The following CDKAL1 variants were observed in gnomAD, a reference collection of about 807,000 sequenced individuals.
CDKAL1 encodes CDKAL1 threonylcarbamoyladenosine tRNA methylthiotransferase.
CDKAL1 carries 32 observed loss-of-function variants against 68.2 expected under a neutral mutation model. The ratio of observed to expected loss-of-function variants is 0.47; its 90% CI spans 0.35 to 0.63. CDKAL1 has a LOEUF of 0.63. Among genes scored for constraint, CDKAL1 ranks in the 30% least tolerant of loss-of-function variants. The pLI is 0.00. For missense variants in CDKAL1, 606 were observed against 696.7 expected, an observed-to-expected ratio of 0.87 and a Z score of 1.47; for synonymous variants, 234 against 244.3, an observed-to-expected ratio of 0.96 and a Z score of 0.39.
At chr6:20,638,950 A>G (rs952030937) in intron 4 of CDKAL1, among the ~76,000 whole-genome samples, 1 of 152,082 alleles carries the variant, frequency 6.6e-6, no homozygotes, top group Non-Finnish European at 1.5e-5. Context: ...CTCTAGATGC[A>G]GTAACTTCTG....
chr6:20,781,411 T>C, intron 8 of CDKAL1, 146 bp downstream of exon 8: 1 of 665,598 alleles, frequency 1.5e-6, no homozygotes, highest in Non-Finnish European at 2.5e-6. Context: ...CAGTTTCTTC[T>C]GAAATGTTTC....
chr6:20,947,927 C>G (rs1239726200), intron 9 of CDKAL1, among the ~76,000 whole-genome samples: 2 of 150,306 alleles, frequency 1.3e-5, no homozygotes, highest in Non-Finnish European at 3.0e-5. Flanking sequence ...ATCATCTGTG[C>G]TTGTATAAGT....
At chr6:20,807,226 A>AT (rs1234504262) in intron 8 of CDKAL1, among the ~76,000 whole-genome samples, 3,272 of 144,892 alleles carry the variant, frequency 0.023, 65 homozygotes, top group African/African-American at 0.064. Flanking sequence ...GCCAAAATTG[A>AT]TTTTTTTTTT....
intron 11 of CDKAL1, among the ~76,000 whole-genome samples, chr6:21,040,113 C>T (rs771592587): frequency 2.2e-4 from 33 of 152,288 alleles, no homozygotes; most frequent in Non-Finnish European, 3.5e-4. Context: ...AATCAACACA[C>T]GCTTGCTCTG....
intron 9 of CDKAL1, among the ~76,000 whole-genome samples, chr6:20,918,568 G>A (rs1040541924): frequency 2.6e-5 from 4 of 152,282 alleles, no homozygotes; most frequent in Admixed American, 2.0e-4. Context: ...GCATGAAGAA[G>A]AATAAAACAT....
chr6:20,899,872 A>G (rs557375744), intron 9 of CDKAL1, among the ~76,000 whole-genome samples: 1 of 152,328 alleles, frequency 6.6e-6, no homozygotes, highest in East Asian at 1.9e-4. Flanking sequence ...TTTTATTCTC[A>G]TAACTCTGTG....
chr6:20,880,507 G>C (rs1442530311), intron 9 of CDKAL1, among the ~76,000 whole-genome samples: 1 of 152,058 alleles, frequency 6.6e-6, no homozygotes. Flanking sequence ...CGCCCACCTC[G>C]GCCTCCCAAA....
At chr6:20,695,658 C>T (rs560972774) in intron 5 of CDKAL1, among the ~76,000 whole-genome samples, 18 of 151,952 alleles carry the variant, frequency 1.2e-4, no homozygotes, top group African/African-American at 4.1e-4. Flanking sequence ...TCCTTTTTTT[C>T]TTTGGCCAGG....
intron 5 of CDKAL1, among the ~76,000 whole-genome samples, chr6:20,705,921 G>A (rs1254176228): frequency 1.3e-5 from 2 of 152,126 alleles, no homozygotes; most frequent in Non-Finnish European, 1.5e-5. Context: ...TGTTCATAGC[G>A]GGGTTGCTTT....
At chr6:21,229,856 G>T (rs1779889691) in intron 15 of CDKAL1, among the ~76,000 whole-genome samples, 1 of 152,192 alleles carries the variant, frequency 6.6e-6, no homozygotes, top group African/African-American at 2.4e-5. Context: ...ATAGCCAGGT[G>T]CTCCTCTCTC....
chr6:20,798,418 G>A (rs1393282735), intron 8 of CDKAL1, among the ~76,000 whole-genome samples: 1 of 152,084 alleles, frequency 6.6e-6, no homozygotes, highest in Non-Finnish European at 1.5e-5. Context: ...AAATATTTAG[G>A]TAGAGAACCA....
At chr6:21,023,455 G>A (rs1239485752) in intron 11 of CDKAL1, among the ~76,000 whole-genome samples, 3 of 152,098 alleles carry the variant, frequency 2.0e-5, no homozygotes, top group Admixed American at 2.0e-4. Flanking sequence ...AATTGCCTTT[G>A]TGTTCTTTCT....
chr6:20,916,593 G>C (rs980748216), intron 9 of CDKAL1, among the ~76,000 whole-genome samples: 9 of 152,182 alleles, frequency 5.9e-5, no homozygotes, highest in African/African-American at 2.2e-4. Context: ...GCAGAGGATA[G>C]TGCCCTCTTA....
At chr6:21,223,185 A>ATAAC (rs1300811619) in intron 15 of CDKAL1, among the ~76,000 whole-genome samples, 6 of 152,312 alleles carry the variant, frequency 3.9e-5, no homozygotes, top group African/African-American at 1.4e-4. Flanking sequence ...AGTCATTGTA[A>ATAAC]TAACTATGCA....
At chr6:20,581,227 A>T (rs1765132720) in intron 4 of CDKAL1, among the ~76,000 whole-genome samples, 1 of 152,180 alleles carries the variant, frequency 6.6e-6, no homozygotes, top group African/African-American at 2.4e-5. Flanking sequence ...GTTGTTTGTT[A>T]AGGAGTGATT....
chr6:21,017,585 C>T (rs1266129620), intron 11 of CDKAL1, among the ~76,000 whole-genome samples: 1 of 152,146 alleles, frequency 6.6e-6, no homozygotes, highest in Non-Finnish European at 1.5e-5. Flanking sequence ...CTATGTGCAC[C>T]ATATAGTTTA....
At chr6:20,807,724 CAT>C (rs1421883505) in intron 8 of CDKAL1, among the ~76,000 whole-genome samples, 2 of 152,146 alleles carry the variant, frequency 1.3e-5, no homozygotes, top group Non-Finnish European at 2.9e-5. Flanking sequence ...ATATTCATGT[CAT>C]ATGTAATATC....
intron 11 of CDKAL1, among the ~76,000 whole-genome samples, chr6:21,034,517 G>A (rs902104016): frequency 6.6e-6 from 1 of 152,204 alleles, no homozygotes; most frequent in South Asian, 2.1e-4. Flanking sequence ...GCAGCTCATA[G>A]ATCAGCTGGA....
intron 9 of CDKAL1, among the ~76,000 whole-genome samples, chr6:20,930,924 TA>T (rs1763416793): frequency 1.3e-5 from 2 of 150,162 alleles, no homozygotes; most frequent in African/African-American, 4.9e-5. Context: ...TTTGTATTTT[TA>T]GTAGAGACGG....
Sources: allele counts gnomAD v4.1 joint callset (sites outside exome capture counted in the v4.1 genomes callset), GRCh38; gene constraint gnomAD v4.1.1; transcripts MANE v1.5; gene names NCBI Gene and HGNC (gene_info 2026-07-23, HGNC 2026-07-21).